Variants in RAB7B observed in about 807,000 individuals in gnomAD.
The protein encoded by RAB7B is RAB7B, member RAS oncogene family.
At chr1:206,001,296 T>G (rs1416897323) in intron 1 of RAB7B, among the ~76,000 whole-genome samples, 2 of 151,852 alleles carry the variant, frequency 1.3e-5, no homozygotes, top group African/African-American at 4.8e-5. Flanking sequence ...TTTTTAGAAT[T>G]GAAGTTTTTT....
intron 4 of RAB7B, 78 bp downstream of exon 4, chr1:205,992,402 G>T (rs1164345183): frequency 5.0e-6 from 2 of 398,026 alleles, no homozygotes; most frequent in Non-Finnish European, 8.8e-6. Flanking sequence ...CTCTGTATGT[G>T]TGGGACCTAA....
chr1:205,991,372 A>T (rs1391957132), intron 4 of RAB7B, among the ~76,000 whole-genome samples: 1 of 152,224 alleles, frequency 6.6e-6, no homozygotes, highest in Non-Finnish European at 1.5e-5. Context: ...GAGAATTGAC[A>T]TGGAGTTTAC....
intron 4 of RAB7B, among the ~76,000 whole-genome samples, chr1:205,991,738 T>C (rs1660725007): frequency 6.6e-6 from 1 of 152,222 alleles, no homozygotes; most frequent in South Asian, 2.1e-4. Context: ...AAAGAGAAAC[T>C]TGGTTTAAAC....
chr1:205,994,048 C>T (rs1188230716), intron 2 of RAB7B, 35 bp downstream of exon 2: 3 of 398,484 alleles, frequency 7.5e-6, no homozygotes, highest in Non-Finnish European at 1.3e-5. Context: ...GGGTGAGGGG[C>T]TGCTTCCCAA....
chr1:205,990,544 G>A (rs1436498329), intron 4 of RAB7B, among the ~76,000 whole-genome samples: 3 of 152,186 alleles, frequency 2.0e-5, no homozygotes, highest in Non-Finnish European at 4.4e-5. Flanking sequence ...GAGAGAGAGA[G>A]AGAGAGCAAC....
At chr1:205,987,502 A>C (rs919530055) in intron 4 of RAB7B, among the ~76,000 whole-genome samples, 1 of 152,202 alleles carries the variant, frequency 6.6e-6, no homozygotes, top group Non-Finnish European at 1.5e-5. Flanking sequence ...TTTCCATCTC[A>C]TGTGCTTTTA....
At chr1:205,985,236 T>C (rs1660568713) in intron 5 of RAB7B, among the ~76,000 whole-genome samples, 1 of 152,164 alleles carries the variant, frequency 6.6e-6, no homozygotes, top group African/African-American at 2.4e-5. Flanking sequence ...CCCTTCCTCG[T>C]TAGGATCTCC....
chr1:205,986,862 C>T (rs1306437984), intron 4 of RAB7B, among the ~76,000 whole-genome samples: 1 of 152,118 alleles, frequency 6.6e-6, no homozygotes, highest in East Asian at 1.9e-4. Flanking sequence ...ACAGTGCAGG[C>T]CGAGGCAAAT....
intron 1 of RAB7B, 94 bp from the exon 2 acceptor site, chr1:205,994,245 A>C (rs1660773181): frequency 5.0e-6 from 2 of 396,726 alleles, no homozygotes; most frequent in East Asian, 3.6e-5. Flanking sequence ...TCCAATGGGC[A>C]AGTTACTGCC....
At position 205,978,650 on chromosome 1, in the gene RAB7B, A is replaced by G. The variant is rs1271513437; in HGVS notation, c.*201T>C. On this transcript the variant is annotated 3_prime_UTR_variant, in exon 6 of 6. Coordinates refer to ENST00000617070, the MANE Select transcript of RAB7B (RefSeq NM_001164522.3). ...CGGGCTTCATCCAGACGCTCTCACT[A>G]TACTCAGCCTGAGCCAGGGGCTGCC... 1.8e-5 allele frequency: 7 copies of G among 385,362 alleles called. No homozygotes were observed. Among genetic ancestry groups the G allele is most frequent in the Non-Finnish European group, 3.2e-5 (7 of 218,082 alleles). 23.9% of individuals were successfully genotyped at this position (385,362 alleles called of 1,614,324 possible).
At chr1:205,995,926 A>G (rs1469998078) in intron 1 of RAB7B, among the ~76,000 whole-genome samples, 1 of 152,212 alleles carries the variant, frequency 6.6e-6, no homozygotes, top group Non-Finnish European at 1.5e-5. Flanking sequence ...GATGTTAATT[A>G]CCTCAATTTA....
chr1:205,998,785 G>T (rs980759115), intron 1 of RAB7B, among the ~76,000 whole-genome samples: 1 of 152,174 alleles, frequency 6.6e-6, no homozygotes, highest in Non-Finnish European at 1.5e-5. Context: ...TAAACAATAC[G>T]TTATTATAAT....
At chr1:206,000,126 C>A (rs1179112412) in intron 1 of RAB7B, among the ~76,000 whole-genome samples, 1 of 151,934 alleles carries the variant, frequency 6.6e-6, no homozygotes, top group Non-Finnish European at 1.5e-5. Flanking sequence ...CACGTGATGG[C>A]TTTAAGTAAG....
intron 4 of RAB7B, among the ~76,000 whole-genome samples, chr1:205,989,150 C>T (rs1660673344): frequency 6.6e-6 from 1 of 151,666 alleles, no homozygotes; most frequent in Non-Finnish European, 1.5e-5. Flanking sequence ...ATCCTCTCCT[C>T]ACCCCTCCTC....
intron 1 of RAB7B, among the ~76,000 whole-genome samples, chr1:205,999,731 T>C (rs1558146466): frequency 6.6e-6 from 1 of 152,332 alleles, no homozygotes; most frequent in Admixed American, 6.5e-5. Flanking sequence ...TCTGATCCAT[T>C]AATACTCTGG....
chr1:205,985,489 C>T (rs2102633642), intron 5 of RAB7B, 51 bp downstream of exon 5: 1 of 398,606 alleles, frequency 2.5e-6, no homozygotes, highest in African/African-American at 2.1e-5. Context: ...TCCCGAGACC[C>T]TCCCCAATCC....
chr1:205,988,734 G>T (rs1223888833), intron 4 of RAB7B, among the ~76,000 whole-genome samples: 1 of 152,146 alleles, frequency 6.6e-6, no homozygotes, highest in African/African-American at 2.4e-5. Flanking sequence ...GGAGGGAACC[G>T]GTCCAGGCTG....
chr1:206,001,442 A>G (rs1660889536), intron 1 of RAB7B, among the ~76,000 whole-genome samples: 1 of 152,224 alleles, frequency 6.6e-6, no homozygotes, highest in Non-Finnish European at 1.5e-5. Context: ...TGTGAAATGT[A>G]TAGGAATAAG....
chr1:205,989,400 G>A (rs1056456428), intron 4 of RAB7B, among the ~76,000 whole-genome samples: 11 of 151,888 alleles, frequency 7.2e-5, no homozygotes, highest in Admixed American at 4.6e-4. Flanking sequence ...CTCTACTCCC[G>A]CGAGTCACCA....
Sources: allele counts gnomAD v4.1 joint callset (sites outside exome capture counted in the v4.1 genomes callset), GRCh38; gene constraint gnomAD v4.1.1; transcripts MANE v1.5; gene names NCBI Gene and HGNC (gene_info 2026-07-23, HGNC 2026-07-21).